The following MYH10 variants were observed in gnomAD, a reference collection of about 807,000 sequenced individuals.
MYH10 encodes myosin heavy chain 10.
Under a neutral mutation model 257.8 loss-of-function variants are expected in MYH10, and 55 were observed. The observed-to-expected ratio is 0.21, with a 90% CI of 0.17 to 0.27. The LOEUF is 0.27. Among genes scored for constraint, MYH10 ranks in the 10% least tolerant of loss-of-function variants. The probability of loss-of-function intolerance (pLI) is 1.00; values close to 1 mark genes in which losing one functional copy is unlikely to be tolerated. For missense variants in MYH10, 1,631 were observed against 2,500.6 expected (o/e 0.65, Z 7.42); for synonymous variants, 854 against 921.7 (o/e 0.93, Z 1.33).
chr17:8,481,753 A>T (rs1222190547), intron 37 of MYH10, among the ~76,000 whole-genome samples: 1 of 152,222 alleles, frequency 6.6e-6, no homozygotes. Context: ...ATAAACCCTG[A>T]ACCCTAAGAA....
intron 4 of MYH10, among the ~76,000 whole-genome samples, chr17:8,586,338 C>A (rs2035407287): frequency 6.6e-6 from 1 of 152,090 alleles, no homozygotes; most frequent in African/African-American, 2.4e-5. Flanking sequence ...ACTTGCAGGT[C>A]CCCTGAACCC....
At chr17:8,505,988 AAAT>A in intron 27 of MYH10, 1 of 184,758 alleles carries the variant, frequency 5.4e-6, no homozygotes, top group Non-Finnish European at 1.1e-5. Flanking sequence ...CAAAAAAAAA[AAAT>A]AAATAAAACA....
chr17:8,591,161 C>CG (rs1219837636), intron 3 of MYH10, among the ~76,000 whole-genome samples: 1 of 152,120 alleles, frequency 6.6e-6, no homozygotes, highest in Non-Finnish European at 1.5e-5. Context: ...CATGAGCCAC[C>CG]GTACCTGGCC....
intron 30 of MYH10, among the ~76,000 whole-genome samples, chr17:8,497,941 T>A (rs905491856): frequency 6.7e-6 from 1 of 150,168 alleles, no homozygotes; most frequent in Non-Finnish European, 1.5e-5. Context: ...AGATGATTTA[T>A]AGTATATGGG....
At chr17:8,548,156 T>C (rs1455964244) in intron 11 of MYH10, among the ~76,000 whole-genome samples, 157 bp downstream of exon 11, 1 of 152,162 alleles carries the variant, frequency 6.6e-6, no homozygotes, top group African/African-American at 2.4e-5. Flanking sequence ...ATTTATAGAA[T>C]CAGAGGAACC....
intron 30 of MYH10, among the ~76,000 whole-genome samples, chr17:8,498,014 T>C (rs1213397451): frequency 4.1e-5 from 6 of 146,760 alleles, no homozygotes; most frequent in Non-Finnish European, 9.0e-5. Flanking sequence ...CAGAGTCTTG[T>C]TCTGTAGTCC....
In MYH10 at chr17:8,492,939, G is replaced by A. The variant is rs779106809; in HGVS notation, c.4295C>T (p.Ala1432Val). The change falls in exon 33 of 43, where the codon GCG becomes GTG. Residue 1432 changes from alanine to valine, a missense_variant. Transcript: ENST00000360416. ...EEAKKKLLKD[A>V]EALSQRLEEK... is the part of the protein sequence containing the mutation. Reference sequence around the variant, plus strand: ...CTCCAGGCGCTGGCTCAGGGCCTCCGCGTCCTTCAGAAGCTTCTTCTTGGC... The same window carrying A: ...CTCCAGGCGCTGGCTCAGGGCCTCCACGTCCTTCAGAAGCTTCTTCTTGGC... The A allele has an allele frequency of 5.6e-6, 9 of 1,613,956 alleles. No homozygotes were observed. The highest frequency in any genetic ancestry group is 1.1e-5 in the South Asian group (1 of 91,086).
intron 2 of MYH10, among the ~76,000 whole-genome samples, chr17:8,611,670 T>A (rs959692117): frequency 2.6e-5 from 4 of 152,186 alleles, no homozygotes; most frequent in African/African-American, 9.7e-5. Flanking sequence ...AACAATTAGT[T>A]ACACGGCATT....
In MYH10 at chr17:8,602,841, C is replaced by T. The variant is rs372886892; in HGVS notation, c.502+1985G>A. On this transcript the variant is annotated intron_variant, in intron 3 of 42. Transcript: ENST00000360416. ...AAAATAGGGATAGTAATTCTATTTA[C>T]TTTACAAGCTTGTCATTAACTAAAT... Among the ~76,000 whole-genome samples the T allele has an allele frequency of 3.3e-5, 5 of 152,282 alleles. No individual in the cohort carries two copies. The East Asian group carries it at 7.7e-4, about 23-fold the overall frequency.
chr17:8,614,321 T>TC (rs1360418338), intron 2 of MYH10, among the ~76,000 whole-genome samples: 1 of 139,834 alleles, frequency 7.2e-6, no homozygotes, highest in Non-Finnish European at 1.5e-5. Context: ...TTTTTTTTTT[T>TC]TTTTTTTTTT....
At chr17:8,493,961 AT>A in intron 31 of MYH10, 76 bp from the exon 32 acceptor site, 1 of 1,489,476 alleles carries the variant, frequency 6.7e-7, no homozygotes, top group Non-Finnish European at 9.0e-7. Flanking sequence ...TAAAGAATTC[AT>A]GTCGTACAAA....
intron 2 of MYH10, among the ~76,000 whole-genome samples, chr17:8,612,656 G>C (rs2152090306): frequency 1.3e-5 from 2 of 152,148 alleles, no homozygotes; most frequent in Admixed American, 1.3e-4. Flanking sequence ...TTCAAAACCA[G>C]CCTGACCAAC....
chr17:8,601,981 T>TG (rs992049906), intron 3 of MYH10, among the ~76,000 whole-genome samples: 1 of 150,798 alleles, frequency 6.6e-6, no homozygotes, highest in African/African-American at 2.4e-5. Flanking sequence ...CAGAATCTTT[T>TG]TTTTTTTTTT....
At position 8,599,958 on chromosome 17, in the gene MYH10, G is replaced by T. The variant is rs1490750989; in HGVS notation, c.502+4868C>A. Among the ~76,000 whole-genome samples the T allele has an allele frequency of 2.6e-5, 4 of 152,194 alleles. No homozygotes were observed. In the East Asian group the frequency reaches 7.7e-4, roughly 29 times the overall value. ...AATGGGAAACAAGCCATCAGCCAGG[G>T]AGTAGAGGGGCAAGGAGGGACCCAG... On this transcript the variant is annotated intron_variant, in intron 3 of 42. Coordinates refer to ENST00000360416, the MANE Select transcript of MYH10 (RefSeq NM_001256012.3).
At chr17:8,487,346 G>A (rs1014121356) in intron 36 of MYH10, 87 bp downstream of exon 36, 14 of 1,513,942 alleles carry the variant, frequency 9.2e-6, no homozygotes, top group African/African-American at 4.1e-5. Flanking sequence ...GCGGTGCTGT[G>A]CCCCCCAGCT....
In MYH10 at chr17:8,504,792, CT is replaced by C. The variant is rs1184008223; in HGVS notation, c.3500del (p.Lys1167ArgfsTer9). ...TCAAGTCCCTTTTCTGCTTTTCGGC[CT>C]TGTTCCGTGAAGCCTTCTCGGATTC... ...DFESEKASRNKAEKQKRDLSE... is the reference protein window; with the variant it reads ...DFESEKASRNXAEKQKRDLSE... On this transcript the variant is annotated frameshift_variant, in exon 28 of 43. Coordinates refer to ENST00000360416, the MANE Select transcript of MYH10 (RefSeq NM_001256012.3). LOFTEE classifies it high-confidence loss of function. The surrounding 1 kb of genome is among the most constrained non-coding windows in gnomAD (Gnocchi z 5.6). 1 of 1,614,240 alleles carries C rather than the reference CT, an allele frequency of 6.2e-7. No individual in the cohort carries two copies. Among genetic ancestry groups the C allele is most frequent in the Non-Finnish European group, 8.5e-7 (1 of 1,180,050 alleles).
intron 29 of MYH10, 70 bp from the exon 30 acceptor site, chr17:8,499,546 G>T (rs1917191453): frequency 7.0e-7 from 1 of 1,426,240 alleles, no homozygotes. Flanking sequence ...ACTGCTTTTT[G>T]AGTCTGCAGA....
Position 8,513,988 on chromosome 17 carries a change from T to C in MYH10, c.2505-94A>G, listed in dbSNP as rs2081380814. Reference sequence around the variant, plus strand: ...CCTTTCTAAAGGCCCGTGTTCTTCTTTGTCTAGGATAGGGAATGATTGCAT... The same window carrying C: ...CCTTTCTAAAGGCCCGTGTTCTTCTCTGTCTAGGATAGGGAATGATTGCAT... On this transcript the variant is annotated intron_variant, in intron 21 of 42. Coordinates refer to ENST00000360416, the MANE Select transcript of MYH10 (RefSeq NM_001256012.3). 7.6e-6 allele frequency: 8 copies of C among 1,046,818 alleles called. No individual in the cohort carries two copies. In the South Asian group the frequency reaches 8.8e-5, roughly 11 times the overall value. 64.8% of individuals were successfully genotyped at this position (1,046,818 alleles called of 1,614,324 possible).
chr17:8,562,870 A>AT (rs2083042984), intron 7 of MYH10, among the ~76,000 whole-genome samples: 1 of 152,254 alleles, frequency 6.6e-6, no homozygotes, highest in Non-Finnish European at 1.5e-5. Context: ...AGAAAATAAA[A>AT]TGAAAATTAT....
Sources: allele counts gnomAD v4.1 joint callset (sites outside exome capture counted in the v4.1 genomes callset), GRCh38; gene constraint gnomAD v4.1.1; non-coding constraint Gnocchi (gnomAD v3.1); transcripts MANE v1.5; gene names NCBI Gene and HGNC (gene_info 2026-07-23, HGNC 2026-07-21).